Variants in CHD1L observed in about 807,000 individuals in gnomAD.
The protein encoded by CHD1L is ATP-dependent chromatin remodeler CHD1L.
CHD1L carries 118 observed loss-of-function variants against 115.9 expected under a neutral mutation model. The ratio of observed to expected loss-of-function variants is 1.02; its 90% CI spans 0.88 to 1.19. The LOEUF (loss-of-function observed/expected upper bound fraction) is 1.19, where lower values mean the gene tolerates loss of function less well. Ranked by LOEUF, CHD1L falls within the 50% of genes most tolerant of loss-of-function variation. The probability of loss-of-function intolerance (pLI) is 0.00; values close to 1 mark genes in which losing one functional copy is unlikely to be tolerated. For missense variants in CHD1L, 1,179 were observed against 1,065.3 expected, an observed-to-expected ratio of 1.11 and a Z score of -1.49; for synonymous variants, 411 against 387.1, an observed-to-expected ratio of 1.06 and a Z score of -0.72.
chr1:147,193,703 T>C, the CHD1L span, among the ~76,000 whole-genome samples: 2 of 152,216 alleles, frequency 1.3e-5, no homozygotes, highest in Non-Finnish European at 2.9e-5. Flanking sequence ...TCTGGTATGT[T>C]GTGTCTTTGT....
At chr1:147,286,016 AT>A (rs1682979612) in intron 17 of CHD1L, among the ~76,000 whole-genome samples, 1 of 152,152 alleles carries the variant, frequency 6.6e-6, no homozygotes, top group African/African-American at 2.4e-5. Flanking sequence ...AGATTTTAAG[AT>A]TTTATTGTAG....
the CHD1L span, among the ~76,000 whole-genome samples, chr1:147,235,514 C>G: frequency 1.3e-5 from 2 of 152,084 alleles, no homozygotes; most frequent in African/African-American, 4.8e-5. Context: ...ATTAGACATG[C>G]CATTTTTGAG....
At chr1:147,201,577 C>T in the CHD1L span, 12 of 1,256,360 alleles carry the variant, frequency 9.6e-6, no homozygotes, top group East Asian at 2.3e-5. Flanking sequence ...TAAAATTTTG[C>T]TTTGGTGGAG....
chr1:147,194,659 C>T, the CHD1L span, among the ~76,000 whole-genome samples: 5 of 152,194 alleles, frequency 3.3e-5, no homozygotes, highest in East Asian at 9.6e-4. Context: ...TTGTTCCTTT[C>T]CATGTTTAGT....
At chr1:147,231,740 A>T in the CHD1L span, among the ~76,000 whole-genome samples, 1 of 151,964 alleles carries the variant, frequency 6.6e-6, no homozygotes, top group African/African-American at 2.4e-5. Flanking sequence ...CAGGCATGGG[A>T]TATAATCTCC....
chr1:147,236,158 A>G, the CHD1L span, among the ~76,000 whole-genome samples: 4 of 152,184 alleles, frequency 2.6e-5, no homozygotes, highest in African/African-American at 4.8e-5. Flanking sequence ...GGGTGCCACA[A>G]GCAGATTTCA....
At chr1:147,288,411 A>G (rs1684249147) in intron 19 of CHD1L, among the ~76,000 whole-genome samples, 1 of 151,656 alleles carries the variant, frequency 6.6e-6, no homozygotes, top group African/African-American at 2.4e-5. Context: ...GATCTATGGG[A>G]AGCCGGGCGT....
the CHD1L span, among the ~76,000 whole-genome samples, chr1:147,189,532 C>T: frequency 2.0e-5 from 3 of 152,136 alleles, no homozygotes; most frequent in Non-Finnish European, 2.9e-5. Context: ...GATTGTGTCT[C>T]TCAGTTTTCC....
At chr1:147,178,172 G>T in the CHD1L span, 33 of 1,610,730 alleles carry the variant, frequency 2.0e-5, no homozygotes, top group Non-Finnish European at 2.8e-5. Context: ...GCCGCGGCCC[G>T]CCTCGCGGCT....
At position 147,270,669 on chromosome 1, in the gene CHD1L, C is replaced by A. The variant is rs587730859; in HGVS notation, c.1086-263C>A. Among the ~76,000 whole-genome samples the A allele has an allele frequency of 4.6e-5, 7 of 152,234 alleles. No individual in the cohort carries two copies. In the East Asian group the frequency reaches 1.4e-3, roughly 29 times the overall value. On this transcript the variant is annotated intron_variant, in intron 10 of 22. Transcript: ENST00000369258. ...ACCTTGTTTATTCTAGGGCTTATAT[C>A]CCCTGTTGCATTGACACGTCTCCTG...
At chr1:147,175,231 T>TG in the CHD1L span, 3 of 152,198 alleles carry the variant, frequency 2.0e-5, no homozygotes, top group Non-Finnish European at 4.4e-5. Context: ...TTCCCACTCC[T>TG]GGGTATTTAT....
chr1:147,187,220 T>A, the CHD1L span: 1 of 1,612,070 alleles, frequency 6.2e-7, no homozygotes, highest in Non-Finnish European at 8.5e-7. Flanking sequence ...TCTCCCTGAA[T>A]GGTATGGCGT....
the CHD1L span, among the ~76,000 whole-genome samples, chr1:147,180,457 A>AGACT: frequency 3.3e-5 from 5 of 152,128 alleles, no homozygotes; most frequent in Non-Finnish European, 7.4e-5. Context: ...ACGCCTAGTC[A>AGACT]ATCTTTGTAC....
the CHD1L span, chr1:147,225,458 C>T: frequency 1.1e-3 from 191 of 168,020 alleles, 1 homozygote; most frequent in African/African-American, 4.4e-3. Context: ...CACTCAGCGG[C>T]ACCCATTCTC....
chr1:147,293,016 G>T (rs868972789), intron 20 of CHD1L, among the ~76,000 whole-genome samples: 2 of 152,210 alleles, frequency 1.3e-5, no homozygotes, highest in East Asian at 3.8e-4. Flanking sequence ...AAGTGTCTGT[G>T]CATGAGAAAC....
the CHD1L span, among the ~76,000 whole-genome samples, chr1:147,191,213 T>G: frequency 6.6e-6 from 1 of 152,172 alleles, no homozygotes; most frequent in African/African-American, 2.4e-5. Context: ...ATGGGATGGT[T>G]GGGTCAAATG....
At chr1:147,236,954 C>T in the CHD1L span, among the ~76,000 whole-genome samples, 2,621 of 152,306 alleles carry the variant, frequency 0.017, 79 homozygotes, top group African/African-American at 0.06. Context: ...TGCTCCCTTC[C>T]ACCCAGGAGA....
At chr1:147,204,494 C>G in the CHD1L span, 1 of 1,544,380 alleles carries the variant, frequency 6.5e-7, no homozygotes, top group Admixed American at 1.7e-5. Context: ...GAACAACGTA[C>G]CAAATTAGGA....
the CHD1L span, among the ~76,000 whole-genome samples, chr1:147,231,524 C>T: frequency 1.3e-5 from 2 of 152,050 alleles, no homozygotes; most frequent in African/African-American, 4.8e-5. Context: ...GTATTAAGTC[C>T]ACCTGGTGCA....
Sources: gnomAD v4.1 joint callset for allele counts (sites outside exome capture counted in the v4.1 genomes callset) on GRCh38, gnomAD v4.1.1 for gene constraint, MANE v1.5 for transcripts, NCBI Gene and HGNC (gene_info 2026-07-23, HGNC 2026-07-21) for gene names.